Variants in FUT8 observed in about 807,000 individuals in gnomAD.
FUT8 encodes the protein alpha-(1,6)-fucosyltransferase.
Under a neutral mutation model 71.3 loss-of-function variants are expected in FUT8, and 29 were observed. The observed-to-expected ratio is 0.41, with a 90% CI of 0.30 to 0.55. The LOEUF is 0.55. Ranked by LOEUF, FUT8 falls within the 20% of genes least tolerant of loss-of-function variation. The probability of loss-of-function intolerance (pLI) is 0.34; values close to 1 mark genes in which losing one functional copy is unlikely to be tolerated. For missense variants in FUT8, 544 were observed against 702.1 expected (o/e 0.77, Z 2.55); for synonymous variants, 254 against 239.3 (o/e 1.06, Z -0.57).
intron 3 of FUT8, among the ~76,000 whole-genome samples, chr14:65,602,791 A>T (rs556294609): frequency 6.6e-6 from 1 of 152,022 alleles, no homozygotes; most frequent in Admixed American, 6.6e-5. Flanking sequence ...CCATTTCTTC[A>T]TATGTCTTTT....
chr14:65,622,767 A>G (rs1469301766), intron 5 of FUT8, among the ~76,000 whole-genome samples: 1 of 152,004 alleles, frequency 6.6e-6, no homozygotes, highest in East Asian at 1.9e-4. Context: ...AACTCAAGTA[A>G]TTTTTCTTGC....
At chr14:65,387,845 G>C in the FUT8 span, among the ~76,000 whole-genome samples, 1 of 152,194 alleles carries the variant, frequency 6.6e-6, no homozygotes, top group African/African-American at 2.4e-5. Context: ...AAGGTACACA[G>C]TAAATCAGGC....
intron 1 of FUT8, among the ~76,000 whole-genome samples, chr14:65,424,380 C>G (rs1316501471): frequency 6.6e-6 from 1 of 152,040 alleles, no homozygotes; most frequent in African/African-American, 2.4e-5. Context: ...TCAAATGCCA[C>G]CATGTGTGGC....
chr14:65,368,165 T>C, the FUT8 span, among the ~76,000 whole-genome samples: 1,863 of 150,752 alleles, frequency 0.012, 17 homozygotes, highest in South Asian at 0.023. Context: ...GCCATTCTCC[T>C]GCCTCAGCCT....
chr14:65,486,212 AATT>A (rs2066407577), intron 2 of FUT8, among the ~76,000 whole-genome samples: 1 of 152,224 alleles, frequency 6.6e-6, no homozygotes, highest in Admixed American at 6.5e-5. Context: ...AAATCCCCCC[AATT>A]ATTCTGCATA....
intron 3 of FUT8, among the ~76,000 whole-genome samples, chr14:65,581,422 G>C (rs1011710947): frequency 7.2e-5 from 11 of 152,036 alleles, no homozygotes; most frequent in African/African-American, 2.7e-4. Context: ...ATTATATCTT[G>C]TGTCCTGTTA....
Position 65,733,221 on chromosome 14 carries a change from A to AT in FUT8, c.1260-4dup. On this transcript the variant is annotated splice_polypyrimidine_tract_variant and intron_variant, in intron 9 of 10. Coordinates refer to ENST00000673929, the MANE Select transcript of FUT8 (RefSeq NM_001371533.1). The stretch of plus-strand genomic sequence containing the variant: ...TCTATGACCATCTATAAATTAATTT[A>AT]TTTTTTCAGGTACCCCAATTATGAA... The AT allele has an allele frequency of 6.4e-7, 1 of 1,566,112 alleles. No individual in the cohort carries two copies. Among genetic ancestry groups the AT allele is most frequent in the Non-Finnish European group, 8.7e-7 (1 of 1,145,458 alleles).
intron 3 of FUT8, among the ~76,000 whole-genome samples, chr14:65,613,271 C>T (rs1889102306): frequency 6.6e-6 from 1 of 152,080 alleles, no homozygotes; most frequent in Non-Finnish European, 1.5e-5. Flanking sequence ...TTTTCTATCA[C>T]TAACATATGT....
chr14:65,360,531 A>G, the FUT8 span, among the ~76,000 whole-genome samples: 4 of 152,354 alleles, frequency 2.6e-5, no homozygotes, highest in East Asian at 5.8e-4. Flanking sequence ...CAAGATTCCA[A>G]ATGTACACAT....
chr14:65,484,997 A>T (rs2066387327), intron 2 of FUT8, among the ~76,000 whole-genome samples: 1 of 151,450 alleles, frequency 6.6e-6, no homozygotes, highest in Non-Finnish European at 1.5e-5. Context: ...GATCTTTTTT[A>T]TATCTTCCAT....
chr14:65,541,967 A>G (rs937042158), intron 2 of FUT8, among the ~76,000 whole-genome samples: 1 of 152,168 alleles, frequency 6.6e-6, no homozygotes, highest in Non-Finnish European at 1.5e-5. Flanking sequence ...GCTGCCATTG[A>G]TTCTGGTTCT....
At chr14:65,734,779 C>G (rs1896138031) in intron 10 of FUT8, among the ~76,000 whole-genome samples, 1 of 152,166 alleles carries the variant, frequency 6.6e-6, no homozygotes. Context: ...ACTTCCCCAG[C>G]TATGCCACCT....
chr14:65,482,318 C>T (rs1368852706), intron 2 of FUT8, among the ~76,000 whole-genome samples: 1 of 151,706 alleles, frequency 6.6e-6, no homozygotes, highest in Non-Finnish European at 1.5e-5. Context: ...TTCCACTGAC[C>T]TCTTTGTCTT....
At chr14:65,375,098 A>G in the FUT8 span, among the ~76,000 whole-genome samples, 1 of 152,288 alleles carries the variant, frequency 6.6e-6, no homozygotes, top group Non-Finnish European at 1.5e-5. Flanking sequence ...GTGGAAGGTG[A>G]GAAATCCTAA....
chr14:65,489,554 G>A lies in FUT8; in HGVS notation c.-228+33836G>A, dbSNP rs987396833. 6.6e-6 allele frequency among the ~76,000 whole-genome samples: 1 copy of A among 151,982 alleles called. No individual in the cohort carries two copies. The highest frequency in any genetic ancestry group is 1.9e-4 in the East Asian group (1 of 5,196). Reference sequence around the variant, plus strand: ...GTTACTTAAAAAGTTCTATAGATTTGTGATTAAAAAAATAGTTCCCTATTT... The same window carrying A: ...GTTACTTAAAAAGTTCTATAGATTTATGATTAAAAAAATAGTTCCCTATTT... On this transcript the variant is annotated intron_variant, in intron 2 of 10. Transcript: ENST00000673929. The surrounding 1 kb of genome is among the most constrained non-coding windows in gnomAD (Gnocchi z 4.0).
intron 2 of FUT8, among the ~76,000 whole-genome samples, chr14:65,474,457 A>AAAAAAAAAAAAAAAAAAAAG (rs2066202414): frequency 6.8e-6 from 1 of 147,902 alleles, no homozygotes; most frequent in African/African-American, 2.5e-5. Flanking sequence ...AAAAAAAAAA[A>AAAAAAAAAAAAAAAAAAAAG]GCCAGGCGTG....
intron 1 of FUT8, among the ~76,000 whole-genome samples, chr14:65,426,583 C>G (rs923456620): frequency 6.6e-6 from 1 of 152,160 alleles, no homozygotes; most frequent in African/African-American, 2.4e-5. Flanking sequence ...ATGGAATTCT[C>G]TTTGTCTCCA....
intron 9 of FUT8, among the ~76,000 whole-genome samples, chr14:65,726,796 G>A (rs781002872): frequency 2.6e-5 from 4 of 152,076 alleles, no homozygotes; most frequent in South Asian, 2.1e-4. Context: ...AAGTCTCATC[G>A]AAGACAAGGC....
At chr14:65,497,331 T>TA (rs1334097582) in intron 2 of FUT8, among the ~76,000 whole-genome samples, 2 of 152,188 alleles carry the variant, frequency 1.3e-5, no homozygotes, top group Admixed American at 6.6e-5. Context: ...GGTTCAAGGA[T>TA]AATCTGCATG....
Sources: allele counts gnomAD v4.1 joint callset (sites outside exome capture counted in the v4.1 genomes callset), GRCh38; gene constraint gnomAD v4.1.1; non-coding constraint Gnocchi (gnomAD v3.1); transcripts MANE v1.5; gene names NCBI Gene and HGNC (gene_info 2026-07-23, HGNC 2026-07-21).